The following EPHA6 variants were observed in gnomAD, a reference collection of about 807,000 sequenced individuals.
EPHA6 encodes the protein ephrin type-A receptor 6.
A neutral mutation model predicts 112.0 loss-of-function variants in EPHA6; 50 were observed. That is an observed-to-expected ratio of 0.45 (90% CI 0.36 to 0.56). EPHA6 has a LOEUF of 0.56. Ranked by LOEUF, EPHA6 falls within the 20% of genes least tolerant of loss-of-function variation. The pLI is 0.00. For synonymous variants in EPHA6, 529 were observed against 490.7 expected (o/e 1.08, Z -1.03); for missense variants, 1,280 against 1,417.4 (o/e 0.90, Z 1.56).
At chr3:97,388,241 A>G (rs1445211790) in intron 5 of EPHA6, among the ~76,000 whole-genome samples, 1 of 152,054 alleles carries the variant, frequency 6.6e-6, no homozygotes, top group African/African-American at 2.4e-5. Flanking sequence ...AGACAACAAA[A>G]CCATCCACGA....
intron 3 of EPHA6, among the ~76,000 whole-genome samples, chr3:97,066,317 AT>A (rs766808017): frequency 1.4e-4 from 21 of 152,244 alleles, no homozygotes; most frequent in Middle Eastern, 3.4e-3. Flanking sequence ...ATAATAAAAT[AT>A]TTACAAAGCA....
At chr3:97,284,554 A>C (rs2080400233) in intron 5 of EPHA6, among the ~76,000 whole-genome samples, 1 of 152,162 alleles carries the variant, frequency 6.6e-6, no homozygotes, top group Non-Finnish European at 1.5e-5. Context: ...CCTCTACTGA[A>C]CTGGCTTTTC....
At chr3:97,239,894 T>C (rs1422010806) in intron 4 of EPHA6, among the ~76,000 whole-genome samples, 3 of 151,892 alleles carry the variant, frequency 2.0e-5, no homozygotes, top group Non-Finnish European at 4.4e-5. Flanking sequence ...AGATTTTCTA[T>C]TTATAGGCTG....
In EPHA6 at chr3:96,866,846, C is replaced by A; in HGVS notation, c.407C>A (p.Thr136Asn). The A allele has an allele frequency of 6.7e-7, 1 of 1,485,074 alleles. No individual in the cohort carries two copies. The highest frequency in any genetic ancestry group is 2.7e-5 in the East Asian group (1 of 37,116). The allele number at this position is 1,485,074 out of a possible 1,614,324, so 92.0% of individuals were successfully genotyped here. The part of the protein sequence containing the change: ...NNQVVLLDTT[T>N]VLGELGWKTY... Reference sequence around the variant, plus strand: ...CCAGTTGTGTTGCTTGATACAACAACTGTACTGGGAGAGCTAGGATGGAAA... The same window carrying A: ...CCAGTTGTGTTGCTTGATACAACAAATGTACTGGGAGAGCTAGGATGGAAA... The change falls in exon 2 of 18, where the codon ACT (threonine) becomes AAT (asparagine). Residue 136 changes from threonine (T) to asparagine (N), a missense_variant. Transcript: ENST00000389672.
rs552134132 is a variant in EPHA6, at chr3:97,622,430, T to A, written c.2574+11576T>A. Among the ~76,000 whole-genome samples, 6 of 151,968 alleles carry A rather than the reference T, an allele frequency of 3.9e-5. No homozygotes were observed. In the South Asian group the frequency reaches 1.2e-3, roughly 32 times the overall value. ...TGTTGAAGTGTATGTCAGAATCTCCTTTCTTTTTAAGGATAAATGATATTC... is the reference window on the plus strand; with the variant it reads ...TGTTGAAGTGTATGTCAGAATCTCCATTCTTTTTAAGGATAAATGATATTC... On this transcript the variant is annotated intron_variant, in intron 13 of 17. Transcript: ENST00000389672.
In EPHA6 at chr3:97,243,909, T is replaced by G. The variant is rs1440619219; in HGVS notation, c.1271-43T>G. On this transcript the variant is annotated intron_variant, in intron 4 of 17. Coordinates refer to ENST00000389672, the MANE Select transcript of EPHA6 (RefSeq NM_001080448.3). ...TTTTCATTTTAGCGCCATAATTCAT[T>G]GTCCTATATATGTACATTTGTTTTT... The G allele has an allele frequency of 2.1e-6, 3 of 1,397,036 alleles. No homozygotes were observed. The African/African-American group carries it at 4.3e-5, about 20-fold the overall frequency. The allele number at this position is 1,397,036 out of a possible 1,614,324, so 86.5% of individuals were successfully genotyped here. A position where few individuals can be genotyped will look rare whatever the true frequency, so the allele number is the denominator to read the frequency against.
At chr3:97,566,915 G>A (rs2107197643) in intron 11 of EPHA6, among the ~76,000 whole-genome samples, 1 of 152,294 alleles carries the variant, frequency 6.6e-6, no homozygotes, top group Non-Finnish European at 1.5e-5. Context: ...GGCCTGGCAT[G>A]TCATAGGTCC....
intron 11 of EPHA6, among the ~76,000 whole-genome samples, chr3:97,542,313 C>G (rs2092871121): frequency 6.6e-6 from 1 of 152,022 alleles, no homozygotes; most frequent in African/African-American, 2.4e-5. Flanking sequence ...TCTCATTGTT[C>G]AATTCCCACC....
At chr3:97,747,356 C>T in intron 16 of EPHA6, 67 bp from the exon 17 acceptor site, 1 of 1,301,464 alleles carries the variant, frequency 7.7e-7, no homozygotes, top group Non-Finnish European at 1.0e-6. Context: ...AAATAAAGTT[C>T]CGTGATTTGT....
chr3:97,088,266 G>C (rs974634061), intron 3 of EPHA6, among the ~76,000 whole-genome samples: 1 of 152,064 alleles, frequency 6.6e-6, no homozygotes, highest in Non-Finnish European at 1.5e-5. Flanking sequence ...TAGTAAGCAG[G>C]CTCCCAGGAA....
At chr3:97,018,856 C>T (rs2044355021) in intron 3 of EPHA6, among the ~76,000 whole-genome samples, 1 of 152,128 alleles carries the variant, frequency 6.6e-6, no homozygotes, top group Non-Finnish European at 1.5e-5. Flanking sequence ...GGTGTTTTTC[C>T]TTGACACGCT....
At chr3:97,322,474 A>G (rs2082166557) in intron 5 of EPHA6, among the ~76,000 whole-genome samples, 1 of 152,022 alleles carries the variant, frequency 6.6e-6, no homozygotes. Flanking sequence ...TATTCTCAAA[A>G]TGACACTGCT....
At chr3:96,830,940 G>A (rs1468725073) in intron 1 of EPHA6, among the ~76,000 whole-genome samples, 3 of 152,020 alleles carry the variant, frequency 2.0e-5, no homozygotes, top group Admixed American at 6.6e-5. Context: ...TAATGCATTT[G>A]TTAATTAGCT....
chr3:97,241,243 T>A (rs1010556962), intron 4 of EPHA6, among the ~76,000 whole-genome samples: 1 of 151,864 alleles, frequency 6.6e-6, no homozygotes, highest in Non-Finnish European at 1.5e-5. Context: ...GTTGTAGTTT[T>A]TAGGTAGTTT....
chr3:97,570,728 CAA>C (rs771203142), intron 11 of EPHA6, among the ~76,000 whole-genome samples: 4 of 132,068 alleles, frequency 3.0e-5, no homozygotes, highest in Non-Finnish European at 3.3e-5. Flanking sequence ...GACTCTGTTT[CAA>C]AAAAAAAAAA....
chr3:96,908,081 G>C (rs2039028485), intron 2 of EPHA6, among the ~76,000 whole-genome samples: 1 of 151,864 alleles, frequency 6.6e-6, no homozygotes, highest in Admixed American at 6.6e-5. Context: ...GAATATTATA[G>C]GCAGTTGTAA....
chr3:96,880,704 C>T (rs1227862735), intron 2 of EPHA6, among the ~76,000 whole-genome samples: 3 of 152,086 alleles, frequency 2.0e-5, no homozygotes, highest in Non-Finnish European at 4.4e-5. Context: ...CCCCACCTCA[C>T]GCGCTGGCAA....
chr3:97,445,647 A>G (rs1033419098), intron 6 of EPHA6, among the ~76,000 whole-genome samples: 1 of 152,080 alleles, frequency 6.6e-6, no homozygotes, highest in African/African-American at 2.4e-5. Flanking sequence ...TATCTAACAG[A>G]AAGTACAAAG....
chr3:96,858,002 C>T (rs72931402), intron 1 of EPHA6, among the ~76,000 whole-genome samples: 1,984 of 151,586 alleles, frequency 0.013, 46 homozygotes, highest in African/African-American at 0.044. Flanking sequence ...CCTTTTTTAG[C>T]GTCTAAAGGA....
Sources: allele counts gnomAD v4.1 joint callset (sites outside exome capture counted in the v4.1 genomes callset), GRCh38; gene constraint gnomAD v4.1.1; transcripts MANE v1.5; gene names NCBI Gene and HGNC (gene_info 2026-07-23, HGNC 2026-07-21).